The following BCAS3 variants were observed in gnomAD, a reference collection of about 807,000 sequenced individuals.
The protein encoded by BCAS3 is BCAS4/BCAS3 fusion.
Under a neutral mutation model 116.1 loss-of-function variants are expected in BCAS3, and 53 were observed. The ratio of observed to expected loss-of-function variants is 0.46; its 90% CI spans 0.37 to 0.57. The LOEUF is 0.57. Among genes scored for constraint, BCAS3 ranks in the 20% least tolerant of loss-of-function variants. The pLI is 0.00. For missense variants in BCAS3, 917 were observed against 1,165.4 expected (o/e 0.79, Z 3.10); for synonymous variants, 391 against 408.2 (o/e 0.96, Z 0.51).
rs896292652 is a variant in BCAS3 at position 61,279,231 on chromosome 17, G to A, written c.2426-89096G>A. Among the ~76,000 whole-genome samples, 1 of 152,148 alleles carries A rather than the reference G, an allele frequency of 6.6e-6. No homozygotes were observed. The highest frequency in any genetic ancestry group is 1.5e-5 in the Non-Finnish European group (1 of 68,032). On this transcript the variant is annotated intron_variant, in intron 22 of 23. Transcript: ENST00000407086. This position sits in a 1 kb window ranked among gnomAD's most constrained non-coding sequence, Gnocchi z 4.4. Reference sequence around the variant, plus strand: ...CAAAGTGTTGGGATTACAGGCATGAGCCACCATACCTAGCCTGAATTATAT... The same window carrying A: ...CAAAGTGTTGGGATTACAGGCATGAACCACCATACCTAGCCTGAATTATAT...
intron 22 of BCAS3, among the ~76,000 whole-genome samples, chr17:61,147,757 T>C (rs8082477): frequency 0.93 from 141,882 of 152,110 alleles, 66,941 homozygotes; most frequent in East Asian, 1. Context: ...GAGGCCGAGG[T>C]GGGCGGGTCA....
chr17:61,119,514 T>C (rs936228051), intron 22 of BCAS3, among the ~76,000 whole-genome samples: 5 of 152,058 alleles, frequency 3.3e-5, no homozygotes. Context: ...TAACTAGAAA[T>C]AGAAAGATGT....
At chr17:60,827,154 C>G (rs2050504219) in intron 7 of BCAS3, among the ~76,000 whole-genome samples, 1 of 152,164 alleles carries the variant, frequency 6.6e-6, no homozygotes, top group Non-Finnish European at 1.5e-5. Context: ...CTTAGGCTCA[C>G]TTTCCTTATT....
Position 61,083,850 on chromosome 17 carries a change from T to C in BCAS3, c.2328-617T>C, listed in dbSNP as rs2072863239. Among the ~76,000 whole-genome samples the C allele has an allele frequency of 6.6e-6, 1 of 152,224 alleles. No individual in the cohort carries two copies. Among genetic ancestry groups the C allele is most frequent in the Non-Finnish European group, 1.5e-5 (1 of 68,030 alleles). On this transcript the variant is annotated intron_variant, in intron 21 of 23. Transcript: ENST00000407086. The surrounding 1 kb of genome is among the most constrained non-coding windows in gnomAD (Gnocchi z 4.9). ...TTAAGCAACTTTAAATTGTGTGTAG[T>C]AATTTGCACGTTTACTGAGGTTCTA...
chr17:60,809,779 C>T (rs540988596), intron 7 of BCAS3, among the ~76,000 whole-genome samples: 7 of 152,224 alleles, frequency 4.6e-5, no homozygotes, highest in Admixed American at 3.9e-4. Context: ...AATAGATGTG[C>T]AGATCCTTTG....
At chr17:60,938,889 T>TA (rs2060084284) in intron 13 of BCAS3, among the ~76,000 whole-genome samples, 1 of 152,128 alleles carries the variant, frequency 6.6e-6, no homozygotes, top group Admixed American at 6.6e-5. Flanking sequence ...ACTGGCAAAT[T>TA]AAAACTGTGA....
chr17:60,957,447 G>C (rs977354278), intron 14 of BCAS3, among the ~76,000 whole-genome samples: 4 of 151,908 alleles, frequency 2.6e-5, no homozygotes, highest in Admixed American at 1.3e-4. Context: ...ATTTATTTTT[G>C]TGAATCTAGC....
At chr17:60,853,935 T>C (rs1467922939) in intron 7 of BCAS3, among the ~76,000 whole-genome samples, 1 of 152,166 alleles carries the variant, frequency 6.6e-6, no homozygotes, top group African/African-American at 2.4e-5. Context: ...AGTTCTAGGG[T>C]ACATGTGCAC....
chr17:61,234,874 A>G (rs976671831), intron 22 of BCAS3, among the ~76,000 whole-genome samples: 27 of 126,388 alleles, frequency 2.1e-4, no homozygotes, highest in Admixed American at 9.4e-5. Context: ...TGTCCTAAGC[A>G]CTTTATTTAT....
chr17:61,211,602 A>T lies in BCAS3; in HGVS notation c.2425+127038A>T, dbSNP rs1212385087. Among the ~76,000 whole-genome samples the T allele has an allele frequency of 6.6e-6, 1 of 151,310 alleles. No homozygotes were observed. The highest frequency in any genetic ancestry group is 2.4e-5 in the African/African-American group (1 of 41,072). On this transcript the variant is annotated intron_variant, in intron 22 of 23. Transcript: ENST00000407086. This position sits in a 1 kb window ranked among gnomAD's most constrained non-coding sequence, Gnocchi z 4.4. ...CCTGAGGCTGGTGTTGCAGATTTGCATTGGTCTAGTAGGAATTATGCATCA... is the reference window on the plus strand; with the variant it reads ...CCTGAGGCTGGTGTTGCAGATTTGCTTTGGTCTAGTAGGAATTATGCATCA...
At chr17:60,852,937 C>T (rs1428518819) in intron 7 of BCAS3, among the ~76,000 whole-genome samples, 1 of 152,224 alleles carries the variant, frequency 6.6e-6, no homozygotes, top group Non-Finnish European at 1.5e-5. Context: ...ACCAATTGCC[C>T]TCCTTGGTGT....
intron 14 of BCAS3, among the ~76,000 whole-genome samples, chr17:60,948,365 C>A (rs1439264065): frequency 1.3e-5 from 2 of 152,136 alleles, no homozygotes; most frequent in African/African-American, 4.8e-5. Flanking sequence ...GCCTCGTGAT[C>A]CACCCACTTC....
At chr17:60,976,035 T>TTTTTTC (rs2062336120) in intron 14 of BCAS3, among the ~76,000 whole-genome samples, 1 of 131,690 alleles carries the variant, frequency 7.6e-6, no homozygotes, top group Non-Finnish European at 1.6e-5. Flanking sequence ...TTTTTTTTTT[T>TTTTTTC]TTTTTCTTTT....
chr17:60,932,735 C>T (rs1216872415), intron 13 of BCAS3, among the ~76,000 whole-genome samples: 11 of 94,078 alleles, frequency 1.2e-4, no homozygotes, highest in African/African-American at 5.0e-4. Context: ...GAGCGAGACT[C>T]TTGTCTCAAA....
At chr17:60,973,784 G>A (rs1275869784) in intron 14 of BCAS3, among the ~76,000 whole-genome samples, 1 of 151,788 alleles carries the variant, frequency 6.6e-6, no homozygotes, top group Non-Finnish European at 1.5e-5. Flanking sequence ...TAGATACAGG[G>A]TCTCACCATG....
At chr17:60,888,961 C>G (rs1209893316) in intron 9 of BCAS3, among the ~76,000 whole-genome samples, 3 of 152,134 alleles carry the variant, frequency 2.0e-5, no homozygotes, top group Admixed American at 1.3e-4. Flanking sequence ...GCAATAGGAA[C>G]ATAGTCAGAA....
chr17:60,780,806 C>G (rs1272061817), intron 6 of BCAS3, among the ~76,000 whole-genome samples: 1 of 152,082 alleles, frequency 6.6e-6, no homozygotes, highest in Non-Finnish European at 1.5e-5. Flanking sequence ...TCCTTTTTAT[C>G]CTTCTTTGAG....
chr17:61,202,765 C>T (rs547020636), intron 22 of BCAS3, among the ~76,000 whole-genome samples: 1 of 152,268 alleles, frequency 6.6e-6, no homozygotes, highest in East Asian at 1.9e-4. Context: ...AGAAAAACAA[C>T]TCAAAAGCAT....
At chr17:61,009,583 A>G (rs537988693) in intron 15 of BCAS3, among the ~76,000 whole-genome samples, 1 of 152,208 alleles carries the variant, frequency 6.6e-6, no homozygotes, top group South Asian at 2.1e-4. Context: ...ATGGTAAGAT[A>G]TGGAAATTTT....
Sources: gnomAD v4.1 joint callset for allele counts (sites outside exome capture counted in the v4.1 genomes callset) on GRCh38, gnomAD v4.1.1 for gene constraint, Gnocchi (gnomAD v3.1) non-coding constraint, MANE v1.5 for transcripts, NCBI Gene and HGNC (gene_info 2026-07-23, HGNC 2026-07-21) for gene names.